Variants in MINDY4B observed in about 807,000 individuals in gnomAD.
The protein encoded by MINDY4B is MINDY family member 4B.
Under a neutral mutation model 16.7 loss-of-function variants are expected in MINDY4B, and 25 were observed. The observed-to-expected ratio is 1.49, with a 90% confidence interval of 1.09 to 2.09. MINDY4B has a LOEUF of 2.09. Ranked by LOEUF, MINDY4B falls within the 30% of genes most tolerant of loss-of-function variation. The pLI, the probability that MINDY4B is intolerant of heterozygous loss-of-function variation, is 0.00. For missense variants in MINDY4B, 327 were observed against 168.4 expected (o/e 1.94, Z -5.21); for synonymous variants, 132 against 61.9 (o/e 2.13, Z -5.32).
At chr3:150,890,516 T>C (rs969761781) in intron 6 of MINDY4B, 131 bp from the exon 7 acceptor site, 3 of 488,876 alleles carry the variant, frequency 6.1e-6, no homozygotes, top group Admixed American at 7.5e-5. Context: ...AAAACTGACA[T>C]ACTATCTTAT....
At chr3:150,891,996 TG>T (rs1054622613) in intron 5 of MINDY4B, among the ~76,000 whole-genome samples, 13 of 152,222 alleles carry the variant, frequency 8.5e-5, no homozygotes, top group Admixed American at 6.5e-5. Flanking sequence ...TACCTTTATG[TG>T]GCAAATATAT....
chr3:150,898,499 G>A (rs932789840), intron 3 of MINDY4B, among the ~76,000 whole-genome samples: 1 of 152,148 alleles, frequency 6.6e-6, no homozygotes, highest in Non-Finnish European at 1.5e-5. Context: ...TGACAAAGAT[G>A]ACCCAACTTA....
At chr3:150,903,738 C>CTTCTTGAG (rs1712172521) in intron 2 of MINDY4B, among the ~76,000 whole-genome samples, 1 of 152,166 alleles carries the variant, frequency 6.6e-6, no homozygotes, top group Admixed American at 6.5e-5. Context: ...TTTGAGAAGA[C>CTTCTTGAG]AACATTTTAT....
At position 150,890,384 on chromosome 3, in the gene MINDY4B, A is replaced by C. The variant is rs888105458; in HGVS notation, c.689T>G (p.Leu230Arg). The C allele has an allele frequency of 1.1e-5, 7 of 633,926 alleles. No individual in the cohort carries two copies. Among genetic ancestry groups the C allele is most frequent in the Middle Eastern group, 3.2e-4 (1 of 3,140 alleles). 39.3% of individuals were successfully genotyped at this position (633,926 alleles called of 1,614,324 possible). The stretch of plus-strand genomic sequence containing the variant: ...TTTCTCTAAAAATTCAAACAGCTGG[A>C]GCTATAAATCAGGAACAGAAGATAA... ...DYSVDNFTER[L>R]QLFEFLEKEA... The change falls in exon 7 of 12, where the codon CTC becomes CGC. Residue 230 changes from leucine to arginine, a missense_variant and splice_region_variant. By Grantham distance (102) the Leu-to-Arg change is moderately radical (BLOSUM62 -2). Transcript: ENST00000465419.
At position 150,904,097 on chromosome 3, in the gene MINDY4B, ATTCT is replaced by A. The variant is rs751490645; in HGVS notation, c.142-685_142-682del. 2.0e-5 allele frequency among the ~76,000 whole-genome samples: 3 copies of A among 152,348 alleles called. No homozygotes were observed. In the East Asian group the frequency reaches 5.8e-4, roughly 29 times the overall value. On this transcript the variant is annotated intron_variant, in intron 2 of 11. Transcript: ENST00000465419. ...TTTTTCTGTATTCCTAGAGGCAAAG[ATTCT>A]TTCTTATCTCAGAAGCACAGCATTC...
chr3:150,877,736 C>A (rs1339553147), intron 10 of MINDY4B, among the ~76,000 whole-genome samples: 1 of 152,078 alleles, frequency 6.6e-6, no homozygotes, highest in Non-Finnish European at 1.5e-5. Context: ...GCTTGTTGAG[C>A]ACAACTGTCA....
intron 3 of MINDY4B, among the ~76,000 whole-genome samples, chr3:150,897,049 T>C (rs1711990386): frequency 6.6e-6 from 1 of 152,186 alleles, no homozygotes; most frequent in Admixed American, 6.5e-5. Context: ...CCCTTTACTG[T>C]ACTGTCCTTT....
At chr3:150,897,418 G>A (rs1450437981) in intron 3 of MINDY4B, among the ~76,000 whole-genome samples, 1 of 151,468 alleles carries the variant, frequency 6.6e-6, no homozygotes, top group African/African-American at 2.4e-5. Flanking sequence ...AAAGTACCCT[G>A]GGCCTGATCC....
chr3:150,895,319 C>T (rs2107908010), intron 3 of MINDY4B, among the ~76,000 whole-genome samples: 1 of 152,178 alleles, frequency 6.6e-6, no homozygotes, highest in Admixed American at 6.5e-5. Context: ...TTTTGTATAC[C>T]AACCATTATC....
chr3:150,894,296 G>T lies in MINDY4B; in HGVS notation c.319C>A (p.Gln107Lys). The T allele has an allele frequency of 1.4e-6, 1 of 692,020 alleles. No individual in the cohort carries two copies. The highest frequency in any genetic ancestry group is 1.5e-5 in the South Asian group (1 of 64,922). 42.9% of individuals were successfully genotyped at this position (692,020 alleles called of 1,614,324 possible). ...TGGACTGTGTTTCCAAACAGGATCT[G>T]CCGCAGCTTCTGAAAAGAGGGGAAA... ...ISLAMATKLR[Q>K]ILFGNTVHVF... The change falls in exon 4 of 12, where the codon CAG becomes AAG. Residue 107 changes from glutamine (Q) to lysine (K), a missense_variant. Gln to Lys is a moderately conservative substitution (Grantham distance 53). Transcript: ENST00000465419.
chr3:150,895,784 A>G (rs1711946557), intron 3 of MINDY4B, among the ~76,000 whole-genome samples: 1 of 152,084 alleles, frequency 6.6e-6, no homozygotes, highest in Non-Finnish European at 1.5e-5. Context: ...AGCTCTTAAG[A>G]TTCTTTCCTT....
rs141523344 is a variant in MINDY4B, at chr3:150,881,791, T to C, written c.1059+1106A>G. Among the ~76,000 whole-genome samples, 89 of 152,312 alleles carry C rather than the reference T, an allele frequency of 5.8e-4. 1 individual carries two copies. The highest frequency in any genetic ancestry group is 1.2e-3 in the African/African-American group (50 of 41,556). ...AAGAATACAAACTCAAGGAATAACA[T>C]GCAAACTTGTAAAGCACACTTGTAC... On this transcript the variant is annotated intron_variant, in intron 10 of 11. Transcript: ENST00000465419.
intron 10 of MINDY4B, among the ~76,000 whole-genome samples, chr3:150,879,967 T>C (rs1711507253): frequency 6.6e-6 from 1 of 152,236 alleles, no homozygotes; most frequent in Non-Finnish European, 1.5e-5. Context: ...TGAATGAACA[T>C]AGCTGAATAA....
chr3:150,905,073 A>T lies in MINDY4B; in HGVS notation c.130T>A (p.Ser44Thr), dbSNP rs2168445. The T allele has an allele frequency of 0.13, 51,914 of 398,380 alleles. 6,225 individuals are homozygous for T. Among genetic ancestry groups the T allele is most frequent in the African/African-American group, 0.44 (21,190 of 48,650 alleles). 24.7% of individuals were successfully genotyped at this position (398,380 alleles called of 1,614,324 possible). ...FSYHRLGTNN[S>T]TPQNHEGNHT... is the part of the protein sequence containing the mutation. ...GGAAAAGTAATTACCTGAGGAGTTG[A>T]ATTATTGGTTCCCAACCTTTAAATG... The change falls in exon 2 of 12, where the codon TCA (serine) becomes ACA (threonine). Residue 44 changes from serine (S) to threonine (T), a missense_variant. Ser to Thr is a moderately conservative substitution (Grantham distance 58, BLOSUM62 1). Transcript: ENST00000465419.
At chr3:150,883,581 A>G in intron 9 of MINDY4B, 119 bp downstream of exon 9, 2 of 638,902 alleles carry the variant, frequency 3.1e-6, no homozygotes, top group Non-Finnish European at 2.8e-6. Context: ...GAGAGAATAT[A>G]TTTAATTAGA....
At chr3:150,886,525 C>T (rs1711627416) in intron 7 of MINDY4B, among the ~76,000 whole-genome samples, 1 of 152,198 alleles carries the variant, frequency 6.6e-6, no homozygotes, top group South Asian at 2.1e-4. Flanking sequence ...GTGCCACAGG[C>T]TTGGTGGCTT....
intron 10 of MINDY4B, among the ~76,000 whole-genome samples, chr3:150,882,408 T>C (rs915402617): frequency 2.6e-5 from 4 of 152,252 alleles, no homozygotes; most frequent in Middle Eastern, 6.8e-3. Context: ...TCCAGTGGTT[T>C]TTTTTAAGCT....
chr3:150,876,423 T>C (rs1711497247), intron 10 of MINDY4B, among the ~76,000 whole-genome samples: 1 of 152,198 alleles, frequency 6.6e-6, no homozygotes, highest in Non-Finnish European at 1.5e-5. Context: ...AGAAAGGTGT[T>C]TGAAACGTTG....
intron 10 of MINDY4B, among the ~76,000 whole-genome samples, chr3:150,881,401 G>A (rs147324056): frequency 2.0e-5 from 3 of 151,734 alleles, no homozygotes; most frequent in Admixed American, 6.6e-5. Flanking sequence ...ATAAATAGAG[G>A]GTTATATACT....
Sources: allele counts gnomAD v4.1 joint callset (sites outside exome capture counted in the v4.1 genomes callset), GRCh38; gene constraint gnomAD v4.1.1; transcripts MANE v1.5; gene names NCBI Gene and HGNC (gene_info 2026-07-23, HGNC 2026-07-21).